The following SLC25A21 variants were observed in gnomAD, a reference collection of about 807,000 sequenced individuals.
SLC25A21 encodes mitochondrial 2-oxodicarboxylate carrier.
In SLC25A21, 47 loss-of-function variants were observed where a neutral mutation model predicts 43.8. The ratio of observed to expected loss-of-function variants is 1.07; its 90% confidence interval spans 0.85 to 1.37. The LOEUF (loss-of-function observed/expected upper bound fraction) is 1.37. SLC25A21 is among the 40% of genes most tolerant of loss of function. SLC25A21 has a pLI of 0.00. For synonymous variants in SLC25A21, 131 were observed against 121.3 expected (o/e 1.08, Z -0.52); for missense variants, 352 against 350.2 (o/e 1.00, Z -0.04).
At chr14:37,130,354 G>C (rs1248260843) in intron 1 of SLC25A21, among the ~76,000 whole-genome samples, 1 of 152,096 alleles carries the variant, frequency 6.6e-6, no homozygotes, top group South Asian at 2.1e-4. Context: ...GAATGACAAA[G>C]AATAAAAATG....
chr14:36,693,330 T>G (rs1882875055), intron 7 of SLC25A21, among the ~76,000 whole-genome samples: 2 of 152,116 alleles, frequency 1.3e-5, no homozygotes, highest in South Asian at 4.1e-4. Context: ...TATGGCAGCC[T>G]GAAGAAAGGT....
At chr14:36,961,388 T>A (rs2021086) in intron 1 of SLC25A21, among the ~76,000 whole-genome samples, 1,543 of 152,190 alleles carry the variant, frequency 0.01, 36 homozygotes, top group African/African-American at 0.035. Context: ...ATTTTTTGTA[T>A]TTTTAGTAGA....
At chr14:37,069,269 G>C (rs1370514761) in intron 1 of SLC25A21, among the ~76,000 whole-genome samples, 1 of 152,072 alleles carries the variant, frequency 6.6e-6, no homozygotes, top group African/African-American at 2.4e-5. Context: ...TCAGATTCAG[G>C]GGTGTGGTTT....
chr14:36,905,901 G>A (rs1891521007), intron 1 of SLC25A21, among the ~76,000 whole-genome samples: 2 of 152,092 alleles, frequency 1.3e-5, no homozygotes, highest in South Asian at 4.1e-4. Flanking sequence ...AAAAAGGGAA[G>A]GGATATTCAG....
intron 1 of SLC25A21, among the ~76,000 whole-genome samples, chr14:36,882,659 C>T (rs1002483777): frequency 6.6e-6 from 1 of 152,094 alleles, no homozygotes; most frequent in Non-Finnish European, 1.5e-5. Flanking sequence ...TGATCTCATC[C>T]AAATCCATGG....
At chr14:37,056,733 G>C (rs79013240) in intron 1 of SLC25A21, among the ~76,000 whole-genome samples, 136 of 152,246 alleles carry the variant, frequency 8.9e-4, no homozygotes, top group African/African-American at 3.0e-3. Context: ...CTGCAGCCAA[G>C]TCAGCACTGA....
chr14:36,762,801 T>C (rs540459175), intron 3 of SLC25A21, among the ~76,000 whole-genome samples: 11 of 152,328 alleles, frequency 7.2e-5, no homozygotes, highest in African/African-American at 2.6e-4. Context: ...TGTAAAGAGC[T>C]CACACCTGTG....
At chr14:36,933,473 TG>T (rs148609467) in intron 1 of SLC25A21, among the ~76,000 whole-genome samples, 2,626 of 152,214 alleles carry the variant, frequency 0.017, 68 homozygotes, top group African/African-American at 0.059. Context: ...AGAGGTCAAC[TG>T]TGATGAAATT....
intron 1 of SLC25A21, among the ~76,000 whole-genome samples, chr14:37,169,157 AGTGCTGACTGTGGTGCTAT>A (rs1323342701): frequency 6.6e-6 from 1 of 152,132 alleles, no homozygotes; most frequent in East Asian, 1.9e-4. Flanking sequence ...TCTTCTGTTC[AGTGCTGACTGTGGTGCTAT>A]GGGCACAGGG....
At chr14:37,120,884 T>G (rs1421720675) in intron 1 of SLC25A21, among the ~76,000 whole-genome samples, 1 of 152,026 alleles carries the variant, frequency 6.6e-6, no homozygotes, top group African/African-American at 2.4e-5. Context: ...TTGGTATAAG[T>G]ACTGCCAGCC....
At chr14:37,029,448 A>G (rs562511437) in intron 1 of SLC25A21, among the ~76,000 whole-genome samples, 1 of 152,286 alleles carries the variant, frequency 6.6e-6, no homozygotes, top group Admixed American at 6.5e-5. Context: ...TAATTAACTC[A>G]ATTTTACAAC....
chr14:36,683,864 T>C lies in SLC25A21; in HGVS notation c.802A>G (p.Lys268Glu). 1 of 1,607,422 alleles carries C rather than the reference T, an allele frequency of 6.2e-7. No individual in the cohort carries two copies. The highest frequency in any genetic ancestry group is 8.5e-7 in the Non-Finnish European group (1 of 1,176,462). The change falls in exon 9 of 10, where the codon AAA (lysine) becomes GAA (glutamate). Residue 268 changes from lysine to glutamate, a missense_variant. Transcript: ENST00000331299. ...YQEEGILALY[K>E]GLLPKIMRLG... ...CTCATAATCTTGGGAAGCAGGCCTTTGTACAAAGCTAAAATCCTGTAATGG... is the reference window on the plus strand; with the variant it reads ...CTCATAATCTTGGGAAGCAGGCCTTCGTACAAAGCTAAAATCCTGTAATGG...
intron 2 of SLC25A21, among the ~76,000 whole-genome samples, chr14:36,852,274 G>C (rs893794112): frequency 6.6e-6 from 1 of 152,158 alleles, no homozygotes; most frequent in Non-Finnish European, 1.5e-5. Context: ...GCCAGCAAAA[G>C]TGAACCTGGT....
chr14:36,716,392 A>G (rs1207229141), intron 6 of SLC25A21, among the ~76,000 whole-genome samples: 1 of 152,122 alleles, frequency 6.6e-6, no homozygotes, highest in African/African-American at 2.4e-5. Context: ...TTTTTGTTAA[A>G]TAAGTAAATT....
intron 1 of SLC25A21, among the ~76,000 whole-genome samples, chr14:36,922,859 A>G (rs1892019793): frequency 6.6e-6 from 1 of 152,178 alleles, no homozygotes; most frequent in African/African-American, 2.4e-5. Context: ...AACTGCCTGC[A>G]AAACAAACTA....
At chr14:36,711,620 G>T in intron 6 of SLC25A21, 138 bp from the exon 7 acceptor site, 1 of 917,146 alleles carries the variant, frequency 1.1e-6, no homozygotes, top group Non-Finnish European at 1.5e-6. Flanking sequence ...GCCTAGAACT[G>T]TGTTTTTTAA....
chr14:36,809,541 T>G (rs1888160305), intron 3 of SLC25A21, among the ~76,000 whole-genome samples: 1 of 152,138 alleles, frequency 6.6e-6, no homozygotes, highest in Non-Finnish European at 1.5e-5. Context: ...TTAGAAACAG[T>G]AAAGGGATTT....
chr14:36,719,150 G>A (rs1038404875), intron 6 of SLC25A21, among the ~76,000 whole-genome samples: 1 of 152,146 alleles, frequency 6.6e-6, no homozygotes, highest in East Asian at 1.9e-4. Flanking sequence ...TTTGCTTCTG[G>A]GGAGAAATTC....
intron 6 of SLC25A21, among the ~76,000 whole-genome samples, chr14:36,719,295 G>T (rs928537156): frequency 6.6e-6 from 1 of 152,232 alleles, no homozygotes; most frequent in Non-Finnish European, 1.5e-5. Context: ...TGTAAGGACA[G>T]CAAGCTACAA....
Sources: allele counts gnomAD v4.1 joint callset (sites outside exome capture counted in the v4.1 genomes callset), GRCh38; gene constraint gnomAD v4.1.1; transcripts MANE v1.5; gene names NCBI Gene and HGNC (gene_info 2026-07-23, HGNC 2026-07-21).